MAP4K5: variants seen among roughly 807,000 people sequenced by gnomAD.
MAP4K5 encodes MAPK/ERK kinase kinase kinase 5.
A neutral mutation model predicts 135.6 loss-of-function variants in MAP4K5; 82 were observed. The ratio of observed to expected loss-of-function variants is 0.60; its 90% CI spans 0.51 to 0.73. MAP4K5 has a LOEUF of 0.73. Among genes scored for constraint, MAP4K5 ranks in the 30% least tolerant of loss-of-function variants. The probability of loss-of-function intolerance (pLI) is 0.00; values close to 1 mark genes in which losing one functional copy is unlikely to be tolerated. For missense variants in MAP4K5, 907 were observed against 1,010.9 expected (o/e 0.90, Z 1.39); for synonymous variants, 347 against 335.0 (o/e 1.04, Z -0.39).
At chr14:50,558,849 AT>A (rs1257437439) in intron 1 of MAP4K5, among the ~76,000 whole-genome samples, 1 of 152,234 alleles carries the variant, frequency 6.6e-6, no homozygotes, top group Non-Finnish European at 1.5e-5. Context: ...CATTAATGTC[AT>A]TTCAACTCTG....
intron 1 of MAP4K5, among the ~76,000 whole-genome samples, chr14:50,546,377 T>C (rs138961513): frequency 6.6e-6 from 1 of 152,200 alleles, no homozygotes; most frequent in East Asian, 1.9e-4. Flanking sequence ...TGTGTGTGTG[T>C]GTGCGTGTGT....
At chr14:50,496,430 C>T (rs535999675) in intron 3 of MAP4K5, among the ~76,000 whole-genome samples, 43 of 151,996 alleles carry the variant, frequency 2.8e-4, no homozygotes, top group Non-Finnish European at 5.2e-4. Flanking sequence ...GTGAGCATAG[C>T]CTAATTTAAT....
In MAP4K5 at chr14:50,429,239, A is replaced by G; in HGVS notation, c.2186T>C (p.Ile729Thr). Residue 729 changes from isoleucine to threonine, a missense_variant, in exon 29 of 33, where the codon ATT (isoleucine) becomes ACT (threonine). Physicochemically the swap from Ile to Thr is moderately conservative, Grantham distance 89. Coordinates refer to ENST00000682126, the MANE Select transcript of MAP4K5 (RefSeq NM_006575.6). Reference protein sequence around the residue: ...IGAGSQQLDSIHVTQLERDTV... With the variant: ...IGAGSQQLDSTHVTQLERDTV... ...ATCTCTCTCCAACTGTGTTACATGA[A>G]TGGAATCTAACTGCTGGCTGCCTTA... 5 of 1,563,818 alleles carry G rather than the reference A, an allele frequency of 3.2e-6. No individual in the cohort carries two copies. The highest frequency in any genetic ancestry group is 4.3e-6 in the Non-Finnish European group (5 of 1,152,362).
At position 50,462,652 on chromosome 14, in the gene MAP4K5, A is replaced by C; in HGVS notation, c.936+13T>G. The C allele has an allele frequency of 6.4e-7, 1 of 1,567,290 alleles. No individual in the cohort carries two copies. On this transcript the variant is annotated intron_variant, in intron 13 of 32. Coordinates refer to ENST00000682126, the MANE Select transcript of MAP4K5 (RefSeq NM_006575.6). ...ATTTATTTTCAACTATGAGACTGCA[A>C]ACACTTCCTTACCTCAAAGTCATCG... is the stretch of plus-strand genomic sequence containing the variant.
intron 2 of MAP4K5, among the ~76,000 whole-genome samples, chr14:50,518,223 T>C (rs1229605274): frequency 6.6e-6 from 1 of 152,228 alleles, no homozygotes; most frequent in Non-Finnish European, 1.5e-5. Flanking sequence ...ATATGCACTA[T>C]GTGCCAGCCA....
intron 6 of MAP4K5, among the ~76,000 whole-genome samples, chr14:50,480,173 T>C (rs2037205610): frequency 6.6e-6 from 1 of 152,094 alleles, no homozygotes. Context: ...TTTTTTATTT[T>C]AATTTTTGTG....
At chr14:50,443,703 A>T (rs765553043) in intron 20 of MAP4K5, 26 bp downstream of exon 20, 9 of 1,568,998 alleles carry the variant, frequency 5.7e-6, no homozygotes, top group Non-Finnish European at 7.7e-6. Context: ...AAAACGGCAA[A>T]TAGTTCACAT....
intron 2 of MAP4K5, among the ~76,000 whole-genome samples, chr14:50,505,858 T>C (rs1390067944): frequency 6.6e-6 from 1 of 152,228 alleles, no homozygotes; most frequent in African/African-American, 2.4e-5. Flanking sequence ...CATATAGTCT[T>C]TTCATTATTT....
chr14:50,502,129 G>A (rs902919131), intron 3 of MAP4K5, among the ~76,000 whole-genome samples: 2 of 152,050 alleles, frequency 1.3e-5, no homozygotes, highest in Non-Finnish European at 2.9e-5. Context: ...TTCCATTATG[G>A]GAACGCTAAG....
intron 14 of MAP4K5, among the ~76,000 whole-genome samples, chr14:50,454,901 T>C (rs1364950794): frequency 1.3e-5 from 2 of 151,868 alleles, no homozygotes; most frequent in African/African-American, 4.8e-5. Flanking sequence ...GGTACATATG[T>C]GTGTGTTGTG....
At chr14:50,446,154 G>A (rs1361568793) in intron 16 of MAP4K5, 33 bp from the exon 17 acceptor site, 1 of 1,426,276 alleles carries the variant, frequency 7.0e-7, no homozygotes, top group African/African-American at 1.5e-5. Context: ...TTTAGATGAT[G>A]ATAAATGACC....
chr14:50,557,142 C>T (rs1215633621), intron 1 of MAP4K5, among the ~76,000 whole-genome samples: 1 of 152,184 alleles, frequency 6.6e-6, no homozygotes, highest in Non-Finnish European at 1.5e-5. Flanking sequence ...CACATCTCAC[C>T]AACACTTGTT....
At chr14:50,560,256 C>G (rs762416885) in intron 1 of MAP4K5, 1 of 1,613,932 alleles carries the variant, frequency 6.2e-7, no homozygotes, top group South Asian at 1.1e-5. Context: ...CCACCAGCTC[C>G]TGGACCACCA....
At chr14:50,467,988 T>G (rs944175065) in intron 10 of MAP4K5, among the ~76,000 whole-genome samples, 2 of 152,146 alleles carry the variant, frequency 1.3e-5, no homozygotes, top group African/African-American at 2.4e-5. Flanking sequence ...ATTTAAAGTG[T>G]CAATTTAAGC....
intron 2 of MAP4K5, among the ~76,000 whole-genome samples, chr14:50,528,142 T>A (rs529695773): frequency 3.3e-5 from 5 of 152,220 alleles, no homozygotes; most frequent in African/African-American, 1.2e-4. Flanking sequence ...CCTTTTCTCT[T>A]CTGTGTTTCT....
chr14:50,506,104 GAAAA>G (rs1352988716), intron 2 of MAP4K5, among the ~76,000 whole-genome samples: 2 of 151,266 alleles, frequency 1.3e-5, no homozygotes, highest in African/African-American at 4.9e-5. Context: ...TCAAATGGCA[GAAAA>G]AAACAAGAAA....
Position 50,425,986 on chromosome 14 carries a change from G to C in MAP4K5, c.2327-9C>G, listed in dbSNP as rs1158949654. The C allele has an allele frequency of 3.2e-6, 5 of 1,569,176 alleles. No individual in the cohort carries two copies. In the Admixed American group the frequency reaches 8.4e-5, roughly 26 times the overall value. On this transcript the variant is annotated splice_polypyrimidine_tract_variant and intron_variant, in intron 30 of 32. Coordinates refer to ENST00000682126, the MANE Select transcript of MAP4K5 (RefSeq NM_006575.6). ...ACTGTCTTGAAGGCATACTAAAAAT[G>C]ATAAGGGAGAAGTGAAACTAATATA... is the stretch of plus-strand genomic sequence containing the variant.
chr14:50,435,846 A>T (rs369726134), intron 26 of MAP4K5, among the ~76,000 whole-genome samples: 4 of 152,170 alleles, frequency 2.6e-5, no homozygotes, highest in African/African-American at 9.7e-5. Flanking sequence ...ATTTCCATTA[A>T]TAATTATAAT....
chr14:50,545,044 G>A (rs779719888), intron 1 of MAP4K5, among the ~76,000 whole-genome samples: 1 of 151,872 alleles, frequency 6.6e-6, no homozygotes, highest in Non-Finnish European at 1.5e-5. Flanking sequence ...AGGCCAGGCT[G>A]TGAGCCAAGG....
Sources: gnomAD v4.1 joint callset for allele counts (sites outside exome capture counted in the v4.1 genomes callset) on GRCh38, gnomAD v4.1.1 for gene constraint, MANE v1.5 for transcripts, NCBI Gene and HGNC (gene_info 2026-07-23, HGNC 2026-07-21) for gene names.